The following CORO1C variants were observed in gnomAD, a reference collection of about 807,000 sequenced individuals.
The protein encoded by CORO1C is coronin-1C.
Under a neutral mutation model 51.2 loss-of-function variants are expected in CORO1C, and 14 were observed. The ratio of observed to expected loss-of-function variants is 0.27; its 90% CI spans 0.18 to 0.43. The LOEUF (loss-of-function observed/expected upper bound fraction) is 0.43, where lower values mean the gene tolerates loss of function less well. CORO1C is among the 20% of genes least tolerant of loss of function. The pLI, the probability that CORO1C is intolerant of heterozygous loss-of-function variation, is 1.00. For synonymous variants in CORO1C, 181 were observed against 210.5 expected, an observed-to-expected ratio of 0.86 and a Z score of 1.21; for missense variants, 417 against 607.8, an observed-to-expected ratio of 0.69 and a Z score of 3.30.
chr12:108,656,620 TG>T (rs1352240493), intron 6 of CORO1C, among the ~76,000 whole-genome samples: 1 of 152,092 alleles, frequency 6.6e-6, no homozygotes, highest in Non-Finnish European at 1.5e-5. Context: ...GGGGAAAAGG[TG>T]GGGAAAGGAT....
intron 3 of CORO1C, among the ~76,000 whole-genome samples, chr12:108,678,065 C>A (rs1203021572): frequency 1.3e-5 from 2 of 151,864 alleles, no homozygotes; most frequent in Non-Finnish European, 2.9e-5. Context: ...TGCAGTACAA[C>A]CTTTTTGATT....
At chr12:108,702,702 G>T in intron 1 of CORO1C, 1 of 1,315,872 alleles carries the variant, frequency 7.6e-7, no homozygotes, top group Non-Finnish European at 1.0e-6. Flanking sequence ...ATGGTGGGCT[G>T]TTGCTAATTC....
At chr12:108,704,471 CAA>C (rs56011926) in intron 1 of CORO1C, among the ~76,000 whole-genome samples, 87 of 136,096 alleles carry the variant, frequency 6.4e-4, no homozygotes, top group Middle Eastern at 7.6e-3. Context: ...GATTCCATCT[CAA>C]AAAAAAAAAA....
chr12:108,699,914 T>C (rs973326014), intron 2 of CORO1C, among the ~76,000 whole-genome samples: 1 of 152,234 alleles, frequency 6.6e-6, no homozygotes, highest in African/African-American at 2.4e-5. Context: ...CTGTGTTATC[T>C]ATCTGGCCAC....
At chr12:108,649,089 T>A in intron 8 of CORO1C, 69 bp from the exon 9 acceptor site, 1 of 1,553,466 alleles carries the variant, frequency 6.4e-7, no homozygotes, top group Non-Finnish European at 8.9e-7. Flanking sequence ...GATGAATAAT[T>A]AGTTTTCTAC....
At chr12:108,655,527 G>A (rs1432839041) in intron 6 of CORO1C, among the ~76,000 whole-genome samples, 2 of 152,140 alleles carry the variant, frequency 1.3e-5, no homozygotes, top group Non-Finnish European at 2.9e-5. Flanking sequence ...TTGCAAGCGC[G>A]CACCGCCACG....
chr12:108,667,595 A>C (rs1006777238), intron 3 of CORO1C, among the ~76,000 whole-genome samples: 1 of 152,234 alleles, frequency 6.6e-6, no homozygotes, highest in Non-Finnish European at 1.5e-5. Context: ...GACAAAAATG[A>C]AATCAGAGGA....
intron 1 of CORO1C, among the ~76,000 whole-genome samples, chr12:108,706,738 T>C (rs1034986913): frequency 6.6e-6 from 1 of 151,972 alleles, no homozygotes; most frequent in Non-Finnish European, 1.5e-5. Context: ...GGGACTACAC[T>C]GCACCCAGCT....
Position 108,657,381 on chromosome 12 carries a change from T to G in CORO1C, c.673A>C (p.Ile225Leu). The G allele has an allele frequency of 6.2e-7, 1 of 1,614,110 alleles. No homozygotes were observed. Among genetic ancestry groups the G allele is most frequent in the Non-Finnish European group, 8.5e-7 (1 of 1,179,966 alleles). Residue 225 changes from isoleucine (I) to leucine (L), a missense_variant, in exon 6 of 11, where the codon ATC becomes CTC. Ile to Leu is a conservative substitution (Grantham distance 5, BLOSUM62 2). Coordinates refer to ENST00000261401, the MANE Select transcript of CORO1C (RefSeq NM_014325.4). ...AAGACATTGCCATCGGCCAGGAAGA[T>G]GGCTCTCATGGGTCTTGCTCCTTCA... ...AHEGARPMRAIFLADGNVFTT... is the reference protein window; with the variant it reads ...AHEGARPMRALFLADGNVFTT...
At chr12:108,683,045 G>C (rs2034176555) in intron 2 of CORO1C, among the ~76,000 whole-genome samples, 1 of 152,120 alleles carries the variant, frequency 6.6e-6, no homozygotes, top group Non-Finnish European at 1.5e-5. Context: ...GCATATAGTA[G>C]AAAAGACTGA....
At chr12:108,682,188 G>A (rs1443291160) in intron 2 of CORO1C, among the ~76,000 whole-genome samples, 1 of 150,934 alleles carries the variant, frequency 6.6e-6, no homozygotes, top group Non-Finnish European at 1.5e-5. Context: ...AATTTTTTAA[G>A]AAAAAAAAGC....
chr12:108,691,868 A>AGGGCACACATTCAGTGAGTCAC (rs1485788512), intron 2 of CORO1C, among the ~76,000 whole-genome samples: 34 of 152,228 alleles, frequency 2.2e-4, no homozygotes, highest in Admixed American at 2.2e-3. Context: ...ATCATCTGCC[A>AGGGCACACATTCAGTGAGTCAC]GGGCACACAT....
intron 6 of CORO1C, among the ~76,000 whole-genome samples, chr12:108,655,579 G>A (rs1186055789): frequency 1.3e-5 from 2 of 152,314 alleles, no homozygotes; most frequent in East Asian, 1.9e-4. Flanking sequence ...ACGGGGTTTC[G>A]CTGTGTTGGC....
At chr12:108,673,532 A>G (rs541485307) in intron 3 of CORO1C, among the ~76,000 whole-genome samples, 1 of 152,380 alleles carries the variant, frequency 6.6e-6, no homozygotes, top group Admixed American at 6.5e-5. Context: ...AGGTGGCTAC[A>G]CTAAACAACA....
chr12:108,691,450 C>T (rs779233638), intron 2 of CORO1C, among the ~76,000 whole-genome samples: 60 of 152,210 alleles, frequency 3.9e-4, no homozygotes, highest in Non-Finnish European at 6.5e-4. Flanking sequence ...ACCGGAGATA[C>T]AGCAGCTTTC....
intron 6 of CORO1C, among the ~76,000 whole-genome samples, chr12:108,655,390 A>G (rs1408636884): frequency 4.8e-5 from 1 of 20,930 alleles, no homozygotes; most frequent in Admixed American, 5.3e-4. Context: ...CCCTCTCCCC[A>G]CGGTCTCCCT....
intron 1 of CORO1C, among the ~76,000 whole-genome samples, chr12:108,704,186 A>C (rs2034960980): frequency 6.6e-6 from 1 of 152,170 alleles, no homozygotes; most frequent in African/African-American, 2.4e-5. Flanking sequence ...CTACCTTAAA[A>C]AGTGATTTCC....
chr12:108,663,673 T>C (rs78894088), intron 3 of CORO1C, among the ~76,000 whole-genome samples: 8,718 of 152,228 alleles, frequency 0.057, 521 homozygotes, highest in East Asian at 0.32. Context: ...TGCTTAGTGT[T>C]GGGGAGAGTG....
At chr12:108,708,751 C>T (rs572342975) in intron 1 of CORO1C, among the ~76,000 whole-genome samples, 8 of 152,192 alleles carry the variant, frequency 5.3e-5, no homozygotes, top group African/African-American at 1.7e-4. Context: ...CGTGAGCCAC[C>T]GTGCTCGGTC....
Sources: gnomAD v4.1 joint callset for allele counts (sites outside exome capture counted in the v4.1 genomes callset) on GRCh38, gnomAD v4.1.1 for gene constraint, MANE v1.5 for transcripts, NCBI Gene and HGNC (gene_info 2026-07-23, HGNC 2026-07-21) for gene names.